The following CCDC62 variants were observed in gnomAD, a reference collection of about 807,000 sequenced individuals.
CCDC62 encodes coiled-coil domain containing 62.
In CCDC62, 72 loss-of-function variants were observed where a neutral mutation model predicts 80.8. The ratio of observed to expected loss-of-function variants is 0.89; its 90% confidence interval spans 0.74 to 1.08. CCDC62 has a LOEUF of 1.08. Ranked by LOEUF, CCDC62 falls within the 50% of genes least tolerant of loss-of-function variation. CCDC62 has a pLI of 0.00. For synonymous variants in CCDC62, 286 were observed against 296.5 expected, an observed-to-expected ratio of 0.96 and a Z score of 0.36; for missense variants, 704 against 809.4, an observed-to-expected ratio of 0.87 and a Z score of 1.58.
Position 122,774,684 on chromosome 12 carries a change from C to G in CCDC62, c.14C>G (p.Ala5Gly). 8.0e-7 allele frequency: 1 copy of G among 1,256,512 alleles called. No individual in the cohort carries two copies. Among genetic ancestry groups the G allele is most frequent in the Non-Finnish European group, 1.0e-6 (1 of 991,588 alleles). 77.8% of individuals were successfully genotyped at this position (1,256,512 alleles called of 1,614,324 possible). MNPP[A>G]AFLAGRQNIG... ...GAGGAAACACCTATGAACCCTCCGG[C>G]AGCCTTCCTTGCCGGGCGCCAGGTA... The change falls in exon 1 of 13, where the codon GCA becomes GGA. Residue 5 changes from alanine (A) to glycine (G), a missense_variant. Transcript: ENST00000253079.
At chr12:122,818,264 A>G (rs886498545) in intron 11 of CCDC62, among the ~76,000 whole-genome samples, 1 of 152,012 alleles carries the variant, frequency 6.6e-6, no homozygotes, top group Non-Finnish European at 1.5e-5. Flanking sequence ...CATCCTGTCT[A>G]ACACGGTGAA....
In CCDC62 at chr12:122,792,708, G is replaced by A. The variant is rs542060138; in HGVS notation, c.772+587G>A. On this transcript the variant is annotated intron_variant, in intron 6 of 12. Transcript: ENST00000253079. ...TAATTTTTATATTTTTAGTAGAGAC[G>A]GGGTTTCACCATGTTGGCCAGGCTG... 5.9e-4 allele frequency among the ~76,000 whole-genome samples: 89 copies of A among 152,130 alleles called. 1 individual carries two copies. The highest frequency in any genetic ancestry group is 1.8e-3 in the African/African-American group (75 of 41,508).
intron 12 of CCDC62, among the ~76,000 whole-genome samples, 185 bp from the exon 13 acceptor site, chr12:122,826,237 C>A (rs374892323): frequency 2.0e-5 from 3 of 152,128 alleles, no homozygotes; most frequent in East Asian, 3.9e-4. Context: ...TCCCCGCCCC[C>A]ATCCCTCCTC....
At position 122,826,827 on chromosome 12, in the gene CCDC62, A is replaced by C. The variant is rs1285344246; in HGVS notation, c.*446A>C. 1 of 174,428 alleles carries C rather than the reference A, an allele frequency of 5.7e-6. No homozygotes were observed. Among genetic ancestry groups the C allele is most frequent in the Non-Finnish European group, 1.2e-5 (1 of 83,100 alleles). 10.8% of individuals were successfully genotyped at this position (174,428 alleles called of 1,614,324 possible). A position where few individuals can be genotyped will look rare whatever the true frequency, so the allele number is the denominator to read the frequency against. ...TGTGCATACATTTAAATTCTAAACA[A>C]TAGCTTATCAGAGTCAGCTCAAAAT... On this transcript the variant is annotated 3_prime_UTR_variant, in exon 13 of 13. Coordinates refer to ENST00000253079, the MANE Select transcript of CCDC62 (RefSeq NM_201435.5).
intron 4 of CCDC62, 99 bp from the exon 5 acceptor site, chr12:122,788,659 G>A (rs7486414): frequency 0.088 from 64,821 of 737,648 alleles, 5,225 homozygotes; most frequent in African/African-American, 0.3. Flanking sequence ...AATGCTTAGA[G>A]TGGAACCTGG....
chr12:122,797,266 A>T, intron 6 of CCDC62, 41 bp from the exon 7 acceptor site: 1 of 929,662 alleles, frequency 1.1e-6, no homozygotes. Flanking sequence ...TTGTGTGGCT[A>T]TAGCTGATGA....
At chr12:122,790,843 G>A (rs1166824904) in intron 5 of CCDC62, among the ~76,000 whole-genome samples, 1 of 152,064 alleles carries the variant, frequency 6.6e-6, no homozygotes, top group African/African-American at 2.4e-5. Flanking sequence ...CATGTAGTCT[G>A]GTGTAATCAA....
At position 122,804,750 on chromosome 12, in the gene CCDC62, C is replaced by T. The variant is rs925384066; in HGVS notation, c.1707-1401C>T. Among the ~76,000 whole-genome samples the T allele has an allele frequency of 4.6e-5, 7 of 151,610 alleles. No individual in the cohort carries two copies. In the South Asian group the frequency reaches 6.2e-4, roughly 13 times the overall value. ...TTTTCTCTTTTTAGAGATAGGGTCT[C>T]GCTATCACCCAGGCTGGAGTGCAGT... On this transcript the variant is annotated intron_variant, in intron 9 of 12. Transcript: ENST00000253079.
intron 5 of CCDC62, among the ~76,000 whole-genome samples, chr12:122,790,940 C>T (rs2030562379): frequency 6.6e-6 from 1 of 151,980 alleles, no homozygotes; most frequent in Admixed American, 6.6e-5. Flanking sequence ...GAACAGAGGA[C>T]AAAAACCACA....
intron 10 of CCDC62, among the ~76,000 whole-genome samples, chr12:122,809,964 A>G (rs993639049): frequency 3.0e-4 from 45 of 152,238 alleles, no homozygotes; most frequent in Middle Eastern, 6.8e-3. Context: ...CTGGCTAGCC[A>G]TATGCTGAAA....
intron 10 of CCDC62, among the ~76,000 whole-genome samples, chr12:122,811,979 A>AG (rs770831094): frequency 1.3e-5 from 2 of 152,176 alleles, no homozygotes; most frequent in Non-Finnish European, 2.9e-5. Flanking sequence ...AAGGCTTATA[A>AG]GCCTTTAATG....
chr12:122,785,937 G>A, intron 4 of CCDC62, 117 bp downstream of exon 4: 1 of 687,922 alleles, frequency 1.5e-6, no homozygotes, highest in Non-Finnish European at 2.5e-6. Flanking sequence ...CGTTGCTCTT[G>A]TTTTTTAAAA....
chr12:122,788,018 C>G (rs955107752), intron 4 of CCDC62, among the ~76,000 whole-genome samples: 13 of 152,150 alleles, frequency 8.5e-5, no homozygotes, highest in African/African-American at 3.1e-4. Flanking sequence ...CCCTATTATT[C>G]TATAAGTCCT....
At chr12:122,814,473 A>G (rs1344611197) in intron 11 of CCDC62, among the ~76,000 whole-genome samples, 1 of 151,420 alleles carries the variant, frequency 6.6e-6, no homozygotes, top group African/African-American at 2.4e-5. Flanking sequence ...TTTCATGATC[A>G]TGATGTCTCT....
At chr12:122,785,373 T>A (rs557194249) in intron 3 of CCDC62, among the ~76,000 whole-genome samples, 1 of 152,194 alleles carries the variant, frequency 6.6e-6, no homozygotes, top group Non-Finnish European at 1.5e-5. Context: ...ATTCATTTTC[T>A]TGCCTCTTCC....
chr12:122,807,480 G>A (rs1405525993), intron 10 of CCDC62, among the ~76,000 whole-genome samples: 2 of 139,608 alleles, frequency 1.4e-5, no homozygotes, highest in Non-Finnish European at 3.0e-5. Flanking sequence ...GCAGTGAGCC[G>A]AGATTGCACC....
Position 122,789,047 on chromosome 12 carries a change from C to T in CCDC62, c.670+118C>T, listed in dbSNP as rs545095675. 6.4e-5 allele frequency: 45 copies of T among 701,280 alleles called. No homozygotes were observed. The Admixed American group carries it at 6.8e-4, about 11-fold the overall frequency. 43.4% of individuals were successfully genotyped at this position (701,280 alleles called of 1,614,324 possible). A position where few individuals can be genotyped will look rare whatever the true frequency, so the allele number is the denominator to read the frequency against. On this transcript the variant is annotated intron_variant, in intron 5 of 12. Transcript: ENST00000253079. ...ATCAATTCCTGGCCTTAGACCCTAA[C>T]GTGAAATATCCATTTCATTTATATA...
chr12:122,797,150 T>A (rs988115980), intron 6 of CCDC62, among the ~76,000 whole-genome samples, 157 bp from the exon 7 acceptor site: 31 of 152,134 alleles, frequency 2.0e-4, no homozygotes, highest in African/African-American at 7.0e-4. Context: ...AGTGCTGCAA[T>A]TACAGGTGTG....
chr12:122,801,175 T>C lies in CCDC62; in HGVS notation c.1029T>C (p.Ile343=). The change falls in exon 9 of 13, where the codon ATT becomes ATC. Residue 343 remains isoleucine (I), a synonymous_variant. Transcript: ENST00000253079. ...AAAATAACCACCCAAAAGTCGATATTAAGAGGGAAAAAAATCAGAAGTCAC... is the reference window on the plus strand; with the variant it reads ...AAAATAACCACCCAAAAGTCGATATCAAGAGGGAAAAAAATCAGAAGTCAC... ...DLENNHPKVD[I]KREKNQKSLF... 1 of 1,613,764 alleles carries C rather than the reference T, an allele frequency of 6.2e-7. No individual in the cohort carries two copies. The highest frequency in any genetic ancestry group is 8.5e-7 in the Non-Finnish European group (1 of 1,179,922).
Sources: gnomAD v4.1 joint callset for allele counts (sites outside exome capture counted in the v4.1 genomes callset) on GRCh38, gnomAD v4.1.1 for gene constraint, MANE v1.5 for transcripts, NCBI Gene and HGNC (gene_info 2026-07-23, HGNC 2026-07-21) for gene names.